Variants in WDR70 observed in about 807,000 individuals in gnomAD.
WDR70 encodes the protein WD repeat domain 70.
WDR70 carries 53 observed loss-of-function variants against 88.6 expected under a neutral mutation model. That is an observed-to-expected ratio of 0.60 (90% CI 0.48 to 0.75). WDR70 has a LOEUF of 0.75. WDR70 is among the 30% of genes least tolerant of loss of function. The pLI is 0.00. For synonymous variants in WDR70, 280 were observed against 270.0 expected (o/e 1.04, Z -0.36); for missense variants, 610 against 823.2 (o/e 0.74, Z 3.17).
At chr5:37,440,429 T>A (rs896114978) in intron 6 of WDR70, among the ~76,000 whole-genome samples, 9 of 152,136 alleles carry the variant, frequency 5.9e-5, no homozygotes, top group African/African-American at 2.2e-4. Flanking sequence ...CACTGCAGCC[T>A]CCACCTCCCA....
At chr5:37,700,957 T>C in intron 11 of WDR70, 101 bp from the exon 12 acceptor site, 1 of 685,648 alleles carries the variant, frequency 1.5e-6, no homozygotes. Flanking sequence ...CCCTTTCTTC[T>C]TTACAGTTAT....
chr5:37,599,815 C>T (rs1448639544), intron 9 of WDR70, among the ~76,000 whole-genome samples: 1 of 151,880 alleles, frequency 6.6e-6, no homozygotes, highest in Non-Finnish European at 1.5e-5. Flanking sequence ...ATTGCTTGAA[C>T]CCGGGAGGCA....
At chr5:37,405,187 A>C (rs964046581) in intron 5 of WDR70, among the ~76,000 whole-genome samples, 6 of 152,162 alleles carry the variant, frequency 3.9e-5, no homozygotes, top group Non-Finnish European at 7.3e-5. Context: ...TGAAGTCACT[A>C]AACATGTTTA....
chr5:37,605,240 T>C lies in WDR70; in HGVS notation c.1092+2T>C. 6.3e-7 allele frequency: 1 copy of C among 1,591,846 alleles called. No homozygotes were observed. Among genetic ancestry groups the C allele is most frequent in the South Asian group, 1.2e-5 (1 of 85,820 alleles). ...CAGATCTGGGACCGAAATTTGACTG[T>C]AAGTTAAATCTTTTCTTAGAACATG... On this transcript the variant is annotated splice_donor_variant, in intron 10 of 17. Transcript: ENST00000265107. LOFTEE classifies it high-confidence loss of function.
intron 10 of WDR70, among the ~76,000 whole-genome samples, chr5:37,663,432 C>T (rs1384849028): frequency 6.6e-6 from 1 of 152,152 alleles, no homozygotes; most frequent in Non-Finnish European, 1.5e-5. Flanking sequence ...TGCTCTGGCT[C>T]TTAAGTCCGA....
chr5:37,445,046 C>T (rs1480378000), intron 7 of WDR70, among the ~76,000 whole-genome samples: 17 of 152,156 alleles, frequency 1.1e-4, no homozygotes, highest in Non-Finnish European at 4.4e-5. Flanking sequence ...GATACCAGTC[C>T]ATGTCCTGGG....
chr5:37,574,174 T>C (rs952215701), intron 9 of WDR70, among the ~76,000 whole-genome samples: 3 of 152,112 alleles, frequency 2.0e-5, no homozygotes, highest in African/African-American at 7.2e-5. Context: ...GGAGCAAAGG[T>C]TGCTTGTTAG....
intron 10 of WDR70, among the ~76,000 whole-genome samples, chr5:37,634,737 G>A (rs1744911273): frequency 6.6e-6 from 1 of 152,126 alleles, no homozygotes; most frequent in Non-Finnish European, 1.5e-5. Flanking sequence ...TACACAACTT[G>A]GTAAATGTTT....
At chr5:37,483,447 A>G (rs1186516054) in intron 8 of WDR70, among the ~76,000 whole-genome samples, 1 of 152,362 alleles carries the variant, frequency 6.6e-6, no homozygotes, top group Admixed American at 6.5e-5. Flanking sequence ...AGCATCCCAA[A>G]GCAGAAGAAT....
At chr5:37,707,791 G>A (rs889518499) in intron 13 of WDR70, among the ~76,000 whole-genome samples, 1 of 151,080 alleles carries the variant, frequency 6.6e-6, no homozygotes. Flanking sequence ...GTAGGAGTCT[G>A]TAATCCCAGC....
chr5:37,609,180 G>T (rs533173372), intron 10 of WDR70, among the ~76,000 whole-genome samples: 55 of 152,090 alleles, frequency 3.6e-4, no homozygotes, highest in Non-Finnish European at 6.6e-4. Context: ...GAGGTATTGG[G>T]GTAGTTTTTG....
intron 8 of WDR70, among the ~76,000 whole-genome samples, chr5:37,481,918 G>GA (rs1409260300): frequency 1.3e-5 from 2 of 151,986 alleles, no homozygotes; most frequent in African/African-American, 4.8e-5. Context: ...GGGAACTCTA[G>GA]AAAAAAATTC....
At chr5:37,653,225 C>T (rs183789692) in intron 10 of WDR70, among the ~76,000 whole-genome samples, 7 of 152,102 alleles carry the variant, frequency 4.6e-5, no homozygotes, top group Non-Finnish European at 7.4e-5. Flanking sequence ...TGATTCTGTT[C>T]GTGTGATGGA....
intron 17 of WDR70, among the ~76,000 whole-genome samples, chr5:37,741,721 G>A (rs1748488086): frequency 6.6e-6 from 1 of 152,008 alleles, no homozygotes; most frequent in Non-Finnish European, 1.5e-5. Context: ...TGGACCAATA[G>A]CAGTCTGGGG....
At chr5:37,658,961 A>G (rs533611662) in intron 10 of WDR70, among the ~76,000 whole-genome samples, 5 of 152,326 alleles carry the variant, frequency 3.3e-5, no homozygotes, top group African/African-American at 1.2e-4. Context: ...GAAGGGGTCT[A>G]GGCAGTTTGC....
At chr5:37,425,355 G>C (rs746505310) in intron 5 of WDR70, among the ~76,000 whole-genome samples, 1 of 152,232 alleles carries the variant, frequency 6.6e-6, no homozygotes, top group Non-Finnish European at 1.5e-5. Context: ...TGCTAACTGG[G>C]AGACAGGTTG....
chr5:37,634,298 C>CAAAAAAAAAAA (rs34755579), intron 10 of WDR70, among the ~76,000 whole-genome samples: 2 of 106,086 alleles, frequency 1.9e-5, no homozygotes. Flanking sequence ...GACCCTGTCT[C>CAAAAAAAAAAA]AAAAAAAAAA....
intron 9 of WDR70, among the ~76,000 whole-genome samples, chr5:37,581,777 A>G (rs141531854): frequency 0.015 from 2,227 of 152,274 alleles, 23 homozygotes; most frequent in Middle Eastern, 0.034. Flanking sequence ...TAGTGCACAA[A>G]ACTATACACA....
intron 9 of WDR70, among the ~76,000 whole-genome samples, chr5:37,535,820 G>A (rs1741649185): frequency 6.6e-6 from 1 of 152,150 alleles, no homozygotes; most frequent in Non-Finnish European, 1.5e-5. Flanking sequence ...TGAAGAAACT[G>A]ATTATATTTT....
Sources: allele counts gnomAD v4.1 joint callset (sites outside exome capture counted in the v4.1 genomes callset), GRCh38; gene constraint gnomAD v4.1.1; transcripts MANE v1.5; gene names NCBI Gene and HGNC (gene_info 2026-07-23, HGNC 2026-07-21).